Variants in VMP1 observed in about 807,000 individuals in gnomAD.
VMP1 encodes the protein ectopic P-granules autophagy protein 3 homolog.
VMP1 carries 11 observed loss-of-function variants against 56.0 expected under a neutral mutation model. The ratio of observed to expected loss-of-function variants is 0.20; its 90% CI spans 0.12 to 0.32. The LOEUF (loss-of-function observed/expected upper bound fraction) is 0.32. VMP1 is among the 10% of genes least tolerant of loss of function. The pLI, the probability that VMP1 is intolerant of heterozygous loss-of-function variation, is 1.00. For missense variants in VMP1, 296 were observed against 490.3 expected, an observed-to-expected ratio of 0.60 and a Z score of 3.74; for synonymous variants, 149 against 165.0, an observed-to-expected ratio of 0.90 and a Z score of 0.74.
At position 59,812,061 on chromosome 17, in the gene VMP1, A is replaced by G. The variant is rs991244856; in HGVS notation, c.912+275A>G. On this transcript the variant is annotated intron_variant, in intron 9 of 11. Coordinates refer to ENST00000262291, the MANE Select transcript of VMP1 (RefSeq NM_030938.5). Reference sequence around the variant, plus strand: ...TGTCCTGTTTAACTATTTATCCAGGACTTTCACCAAACAAAAATAGTGTTT... The same window carrying G: ...TGTCCTGTTTAACTATTTATCCAGGGCTTTCACCAAACAAAAATAGTGTTT... 3.3e-5 allele frequency among the ~76,000 whole-genome samples: 5 copies of G among 151,322 alleles called. No individual in the cohort carries two copies. In the East Asian group the frequency reaches 7.7e-4, roughly 23 times the overall value.
chr17:59,813,990 T>TTGATTGAC (rs1403529682), intron 9 of VMP1, among the ~76,000 whole-genome samples: 1 of 151,556 alleles, frequency 6.6e-6, no homozygotes. Flanking sequence ...GATTGATTGA[T>TTGATTGAC]TGATTTTTGA....
At chr17:59,761,988 A>C (rs1407209552) in intron 5 of VMP1, among the ~76,000 whole-genome samples, 1 of 152,196 alleles carries the variant, frequency 6.6e-6, no homozygotes, top group Non-Finnish European at 1.5e-5. Flanking sequence ...TTTGGCAGGC[A>C]TGGAATGTGT....
intron 1 of VMP1, among the ~76,000 whole-genome samples, chr17:59,721,758 A>T (rs1482013766): frequency 6.7e-6 from 1 of 149,082 alleles, no homozygotes; most frequent in Non-Finnish European, 1.5e-5. Context: ...ACAATTCTGC[A>T]ATCTGGATAC....
At chr17:59,748,887 A>AT (rs1420191096) in intron 5 of VMP1, among the ~76,000 whole-genome samples, 103 of 138,736 alleles carry the variant, frequency 7.4e-4, no homozygotes, top group Admixed American at 1.7e-3. Flanking sequence ...TATTATTATT[A>AT]TTATTTATTT....
intron 5 of VMP1, among the ~76,000 whole-genome samples, chr17:59,762,239 G>C (rs1252549844): frequency 1.3e-5 from 2 of 152,132 alleles, no homozygotes; most frequent in African/African-American, 4.8e-5. Context: ...ACAAGAGTTG[G>C]AACCTGCTGC....
At chr17:59,730,352 C>T (rs529821252) in intron 1 of VMP1, among the ~76,000 whole-genome samples, 57 of 151,920 alleles carry the variant, frequency 3.8e-4, no homozygotes, top group South Asian at 3.7e-3. Context: ...TGTAGCCTTT[C>T]ACTCCTGAGC....
chr17:59,744,105 A>T (rs1279166229), intron 5 of VMP1, among the ~76,000 whole-genome samples: 4 of 141,332 alleles, frequency 2.8e-5, no homozygotes, highest in Non-Finnish European at 6.1e-5. Context: ...TTTTTTTTTT[A>T]AATCATGAAT....
intron 10 of VMP1, among the ~76,000 whole-genome samples, chr17:59,831,776 A>G (rs1222816413): frequency 7.5e-6 from 1 of 132,886 alleles, no homozygotes; most frequent in Admixed American, 8.3e-5. Flanking sequence ...TTAAATAAAA[A>G]AAAAAATTTT....
At chr17:59,729,796 C>G (rs1212991781) in intron 1 of VMP1, 1 of 151,466 alleles carries the variant, frequency 6.6e-6, no homozygotes, top group African/African-American at 2.4e-5. Flanking sequence ...AGCGATTCTC[C>G]TGCCTCAGCC....
intron 6 of VMP1, 116 bp from the exon 7 acceptor site, chr17:59,773,638 C>A: frequency 9.9e-7 from 1 of 1,014,950 alleles, no homozygotes; most frequent in Non-Finnish European, 1.4e-6. Flanking sequence ...TATGCTTTCC[C>A]CCAATATATT....
At chr17:59,765,233 C>G (rs1205509245) in intron 6 of VMP1, 95 bp downstream of exon 6, 16 of 1,365,224 alleles carry the variant, frequency 1.2e-5, no homozygotes, top group Non-Finnish European at 1.5e-5. Flanking sequence ...TATTCCTTGT[C>G]AGTAAATGAT....
At chr17:59,770,599 T>C (rs1042961253) in intron 6 of VMP1, among the ~76,000 whole-genome samples, 163 of 152,060 alleles carry the variant, frequency 1.1e-3, no homozygotes, top group Non-Finnish European at 2.0e-3. Context: ...TTTTTTTTTT[T>C]CTGAGGTGGG....
intron 8 of VMP1, among the ~76,000 whole-genome samples, chr17:59,810,725 G>A (rs1034236548): frequency 5.3e-5 from 8 of 152,152 alleles, no homozygotes; most frequent in African/African-American, 1.9e-4. Flanking sequence ...ATTTAGTCAT[G>A]TCTTTTTTAA....
intron 5 of VMP1, among the ~76,000 whole-genome samples, chr17:59,757,859 C>CTTTT (rs66605258): frequency 0.44 from 39,794 of 91,178 alleles, 11,065 homozygotes; most frequent in Non-Finnish European, 0.57. Flanking sequence ...TTATTTGCCA[C>CTTTT]TTTTTTTTTT....
At chr17:59,750,736 A>T (rs1357117814) in intron 5 of VMP1, among the ~76,000 whole-genome samples, 1 of 152,146 alleles carries the variant, frequency 6.6e-6, no homozygotes, top group Non-Finnish European at 1.5e-5. Context: ...AGCATTTGTA[A>T]ACTGCATTTC....
chr17:59,805,459 A>AT (rs927220190), intron 7 of VMP1, among the ~76,000 whole-genome samples: 4 of 152,026 alleles, frequency 2.6e-5, no homozygotes, highest in Non-Finnish European at 5.9e-5. Context: ...ATGTTTAATC[A>AT]TTTTTTTCTT....
chr17:59,839,281 G>A (rs749388106), intron 11 of VMP1: 75 of 152,848 alleles, frequency 4.9e-4, no homozygotes, highest in Non-Finnish European at 8.5e-4. Flanking sequence ...GTGAGCCACC[G>A]CGCCCGGCCA....
intron 5 of VMP1, 84 bp from the exon 6 acceptor site, chr17:59,764,887 C>A: frequency 9.7e-7 from 1 of 1,026,760 alleles, no homozygotes; most frequent in Non-Finnish European, 1.3e-6. Flanking sequence ...TTTTCTTACA[C>A]AGTAATTAAT....
chr17:59,790,799 G>T (rs765407453), intron 7 of VMP1, among the ~76,000 whole-genome samples: 6 of 152,230 alleles, frequency 3.9e-5, no homozygotes, highest in Non-Finnish European at 8.8e-5. Context: ...CGAAAAAAAA[G>T]AAAGTTTTAA....
Sources: gnomAD v4.1 joint callset for allele counts (sites outside exome capture counted in the v4.1 genomes callset) on GRCh38, gnomAD v4.1.1 for gene constraint, MANE v1.5 for transcripts, NCBI Gene and HGNC (gene_info 2026-07-23, HGNC 2026-07-21) for gene names.